The following FRK variants were observed in gnomAD, a reference collection of about 807,000 sequenced individuals.
FRK encodes the protein fyn related Src family tyrosine kinase.
In FRK, 51 loss-of-function variants were observed where a neutral mutation model predicts 56.4. The ratio of observed to expected loss-of-function variants is 0.90; its 90% CI spans 0.72 to 1.14. The LOEUF is 1.14. Among genes scored for constraint, FRK ranks in the 50% most tolerant of loss-of-function variants. FRK has a pLI of 0.00. For missense variants in FRK, 570 were observed against 601.4 expected (o/e 0.95, Z 0.55); for synonymous variants, 245 against 217.9 (o/e 1.12, Z -1.10).
At chr6:116,041,551 G>A (rs761106073) in intron 1 of FRK, among the ~76,000 whole-genome samples, 2 of 152,112 alleles carry the variant, frequency 1.3e-5, no homozygotes, top group Admixed American at 1.3e-4. Context: ...TGAGGTACCC[G>A]GATCATCTCA....
the FRK span, among the ~76,000 whole-genome samples, chr6:116,077,942 G>A: frequency 6.6e-6 from 1 of 152,108 alleles, no homozygotes; most frequent in East Asian, 1.9e-4. Flanking sequence ...GGCAGATCAC[G>A]TGAGGTCAGA....
At chr6:116,092,590 C>T in the FRK span, among the ~76,000 whole-genome samples, 3 of 152,308 alleles carry the variant, frequency 2.0e-5, no homozygotes, top group South Asian at 4.1e-4. Flanking sequence ...CGACCTTCCT[C>T]GGTCCTCCCT....
intron 4 of FRK, among the ~76,000 whole-genome samples, chr6:115,959,498 A>C (rs140176126): frequency 3.3e-5 from 5 of 152,212 alleles, no homozygotes; most frequent in Non-Finnish European, 5.9e-5. Flanking sequence ...ATACACAGTG[A>C]TTGTGAAAAT....
chr6:116,034,297 T>C (rs1168603381), intron 1 of FRK, among the ~76,000 whole-genome samples: 1 of 152,170 alleles, frequency 6.6e-6, no homozygotes, highest in Non-Finnish European at 1.5e-5. Flanking sequence ...AGGTGATGGA[T>C]ATCCCAATTA....
Position 115,940,816 on chromosome 6 carries a change from A to C in FRK, c.*1598T>G, listed in dbSNP as rs1168704174. The C allele has an allele frequency of 6.6e-6, 1 of 152,246 alleles. No homozygotes were observed. Among genetic ancestry groups the C allele is most frequent in the Admixed American group, 6.5e-5 (1 of 15,286 alleles). 9.4% of individuals were successfully genotyped at this position (152,246 alleles called of 1,614,324 possible). ...CCAGTTAGAATGGTGATCATTAAAA[A>C]GTCAGGAAACAACAGGATGCTGTTT... On this transcript the variant is annotated 3_prime_UTR_variant, in exon 8 of 8. Transcript: ENST00000606080.
Position 115,977,783 on chromosome 6 carries a change from T to A in FRK, c.467-9044A>T, listed in dbSNP as rs1032718415. ...TGCTGATCACATTTTTGAGAAAAAT[T>A]AGTCTTATTCTAAAGACCCCAATAG... On this transcript the variant is annotated intron_variant, in intron 2 of 7. Transcript: ENST00000606080. 2.6e-5 allele frequency among the ~76,000 whole-genome samples: 4 copies of A among 152,260 alleles called. No homozygotes were observed. The East Asian group carries it at 5.8e-4, about 22-fold the overall frequency.
intron 2 of FRK, among the ~76,000 whole-genome samples, chr6:116,003,649 A>G (rs1318250384): frequency 6.6e-6 from 1 of 152,166 alleles, no homozygotes; most frequent in Non-Finnish European, 1.5e-5. Flanking sequence ...TCTCCATTTC[A>G]TATCTAGAGC....
chr6:116,060,721 A>G lies in FRK; in HGVS notation c.-410T>C, dbSNP rs2114842485. The G allele has an allele frequency of 6.1e-6, 1 of 164,038 alleles. No homozygotes were observed. The highest frequency in any genetic ancestry group is 1.8e-4 in the East Asian group (1 of 5,700). 10.2% of individuals were successfully genotyped at this position (164,038 alleles called of 1,614,324 possible). A position where few individuals can be genotyped will look rare whatever the true frequency, so the allele number is the denominator to read the frequency against. On this transcript the variant is annotated 5_prime_UTR_variant, in exon 1 of 8. Coordinates refer to ENST00000606080, the MANE Select transcript of FRK (RefSeq NM_002031.3). Reference sequence around the variant, plus strand: ...AAAAAGTTAGCAAGAGGAAGCTACTAACCCCTGGTAAAACCTCCACGTCTT... The same window carrying G: ...AAAAAGTTAGCAAGAGGAAGCTACTGACCCCTGGTAAAACCTCCACGTCTT...
chr6:115,966,845 C>G lies in FRK; in HGVS notation c.799+706G>C, dbSNP rs138944523. ...TATCCATCACTTACTGTGAACCAGGCACTATACAAAGCATGTCCACTAATG... is the reference window on the plus strand; with the variant it reads ...TATCCATCACTTACTGTGAACCAGGGACTATACAAAGCATGTCCACTAATG... On this transcript the variant is annotated intron_variant, in intron 4 of 7. Coordinates refer to ENST00000606080, the MANE Select transcript of FRK (RefSeq NM_002031.3). Among the ~76,000 whole-genome samples, 474 of 152,272 alleles carry G rather than the reference C, an allele frequency of 3.1e-3. 13 individuals are homozygous for G. In the South Asian group the frequency reaches 0.036, roughly 11 times the overall value.
At chr6:116,016,563 G>T (rs1024261588) in intron 1 of FRK, among the ~76,000 whole-genome samples, 1 of 151,848 alleles carries the variant, frequency 6.6e-6, no homozygotes, top group Non-Finnish European at 1.5e-5. Flanking sequence ...GTGTGTTTGT[G>T]TGTGTGTGTG....
chr6:116,099,702 A>G, the FRK span, among the ~76,000 whole-genome samples: 1 of 152,194 alleles, frequency 6.6e-6, no homozygotes, highest in African/African-American at 2.4e-5. Context: ...TGTACTATCT[A>G]TTGCACTAAA....
the FRK span, among the ~76,000 whole-genome samples, chr6:116,073,826 A>C: frequency 6.6e-6 from 1 of 152,212 alleles, no homozygotes; most frequent in Non-Finnish European, 1.5e-5. Flanking sequence ...ACAGACTGAG[A>C]GCTTGAAATG....
At chr6:116,075,211 T>C in the FRK span, among the ~76,000 whole-genome samples, 25 of 152,314 alleles carry the variant, frequency 1.6e-4, no homozygotes, top group Middle Eastern at 3.4e-3. Context: ...TCCCAGGCTT[T>C]GGCTTCTCTA....
At position 115,980,239 on chromosome 6, in the gene FRK, T is replaced by C. The variant is rs116435694; in HGVS notation, c.467-11500A>G. ...AAAGCAATTTGCAAAGAATGTTCAC[T>C]AGAGCATTTTTCTAGGATTAAATGA... On this transcript the variant is annotated intron_variant, in intron 2 of 7. Coordinates refer to ENST00000606080, the MANE Select transcript of FRK (RefSeq NM_002031.3). Among the ~76,000 whole-genome samples the C allele has an allele frequency of 9.8e-3, 1,490 of 152,238 alleles. 26 individuals are homozygous for C. The highest frequency in any genetic ancestry group is 0.034 in the African/African-American group (1,404 of 41,558).
chr6:115,982,407 A>T (rs1261073282), intron 2 of FRK, among the ~76,000 whole-genome samples: 1 of 152,154 alleles, frequency 6.6e-6, no homozygotes, highest in African/African-American at 2.4e-5. Flanking sequence ...TCCCATAATA[A>T]ATTTCCACAT....
chr6:116,000,150 T>C (rs1774997849), intron 2 of FRK, among the ~76,000 whole-genome samples: 1 of 151,336 alleles, frequency 6.6e-6, no homozygotes, highest in Non-Finnish European at 1.5e-5. Flanking sequence ...CACTGTAGCC[T>C]GGCCATTATT....
chr6:116,051,845 G>C (rs966070366), intron 1 of FRK, among the ~76,000 whole-genome samples: 5 of 152,118 alleles, frequency 3.3e-5, no homozygotes, highest in African/African-American at 1.2e-4. Context: ...AGAATGTACA[G>C]TAAAAATCTA....
the FRK span, among the ~76,000 whole-genome samples, chr6:116,076,070 CTTGTT>C: frequency 0.06 from 9,106 of 152,186 alleles, 398 homozygotes; most frequent in Admixed American, 0.14. Flanking sequence ...TAGTGCTCTT[CTTGTT>C]TTAAGTATTT....
intron 1 of FRK, among the ~76,000 whole-genome samples, chr6:116,028,567 C>T (rs1387736262): frequency 6.6e-6 from 1 of 152,150 alleles, no homozygotes; most frequent in Non-Finnish European, 1.5e-5. Context: ...TGGCTCTCTC[C>T]TAGCTTCTGG....
Sources: allele counts gnomAD v4.1 joint callset (sites outside exome capture counted in the v4.1 genomes callset), GRCh38; gene constraint gnomAD v4.1.1; transcripts MANE v1.5; gene names NCBI Gene and HGNC (gene_info 2026-07-23, HGNC 2026-07-21).